NDC1: variants seen among roughly 807,000 people sequenced by gnomAD.
NDC1 encodes NDC1 transmembrane nucleoporin, also known as nucleoporin NDC1.
In NDC1, 24 loss-of-function variants were observed where a neutral mutation model predicts 89.8. The ratio of observed to expected loss-of-function variants is 0.27; its 90% CI spans 0.19 to 0.38. The LOEUF is 0.38. NDC1 is among the 10% of genes least tolerant of loss of function. The probability of loss-of-function intolerance (pLI) is 1.00; values close to 1 mark genes in which losing one functional copy is unlikely to be tolerated. For synonymous variants in NDC1, 296 were observed against 284.8 expected, an observed-to-expected ratio of 1.04 and a Z score of -0.39; for missense variants, 728 against 797.6, an observed-to-expected ratio of 0.91 and a Z score of 1.05.
At chr1:53,795,080 G>C (rs547542204) in intron 13 of NDC1, among the ~76,000 whole-genome samples, 50 of 152,030 alleles carry the variant, frequency 3.3e-4, no homozygotes, top group African/African-American at 1.1e-3. Context: ...AGTGACCTCC[G>C]CATTTCTAGC....
chr1:53,835,808 T>C (rs532090080), intron 1 of NDC1, among the ~76,000 whole-genome samples, 188 bp from the exon 2 acceptor site: 2 of 152,336 alleles, frequency 1.3e-5, no homozygotes, highest in African/African-American at 4.8e-5. Flanking sequence ...GATGCCTGCA[T>C]TAGTACAAAG....
intron 5 of NDC1, among the ~76,000 whole-genome samples, chr1:53,824,589 C>A (rs1052330109): frequency 3.9e-5 from 6 of 152,268 alleles, no homozygotes; most frequent in African/African-American, 1.4e-4. Context: ...TAGAATTGTG[C>A]GAATGAGGAG....
intron 5 of NDC1, among the ~76,000 whole-genome samples, chr1:53,822,924 T>A (rs1269700893): frequency 6.6e-6 from 1 of 152,164 alleles, no homozygotes; most frequent in African/African-American, 2.4e-5. Context: ...ACTTCTCACA[T>A]CAAACTTGCA....
At chr1:53,834,951 T>C (rs1649181296) in intron 2 of NDC1, among the ~76,000 whole-genome samples, 1 of 131,594 alleles carries the variant, frequency 7.6e-6, no homozygotes, top group Non-Finnish European at 1.6e-5. Flanking sequence ...CTACTAAAAA[T>C]ACAAAAATCA....
chr1:53,820,701 C>CTTTTTTTT (rs927514677), intron 5 of NDC1, among the ~76,000 whole-genome samples: 1 of 74,878 alleles, frequency 1.3e-5, no homozygotes. Context: ...ACTTCTCTCT[C>CTTTTTTTT]TTTTTTTTTT....
chr1:53,837,945 C>T (rs890158313), intron 1 of NDC1, among the ~76,000 whole-genome samples: 3 of 152,224 alleles, frequency 2.0e-5, no homozygotes, highest in African/African-American at 7.2e-5. Context: ...GCCTCACTCC[C>T]TATTCCAATT....
intron 10 of NDC1, among the ~76,000 whole-genome samples, chr1:53,802,593 C>G (rs1285738207): frequency 6.6e-6 from 1 of 152,278 alleles, no homozygotes; most frequent in South Asian, 2.1e-4. Flanking sequence ...GCGAGAGGAT[C>G]ATATGAGCCC....
chr1:53,801,374 C>T lies in NDC1; in HGVS notation c.1067-526G>A, dbSNP rs182604477. ...TGCTGTTACATCTGTGGGAATGACT[C>T]GTTAATAATGATCACACTTTACACT... On this transcript the variant is annotated intron_variant, in intron 10 of 17. Coordinates refer to ENST00000371429, the MANE Select transcript of NDC1 (RefSeq NM_018087.5). 1.1e-3 allele frequency among the ~76,000 whole-genome samples: 165 copies of T among 152,242 alleles called. 1 individual carries two copies. The highest frequency in any genetic ancestry group is 1.9e-3 in the Non-Finnish European group (129 of 68,012).
At chr1:53,813,295 T>C (rs1342603426) in intron 6 of NDC1, among the ~76,000 whole-genome samples, 1 of 152,198 alleles carries the variant, frequency 6.6e-6, no homozygotes, top group Non-Finnish European at 1.5e-5. Flanking sequence ...TAACATTGAA[T>C]GTAAATGGCC....
At chr1:53,799,634 C>T (rs745847231) in intron 11 of NDC1, among the ~76,000 whole-genome samples, 7 of 152,112 alleles carry the variant, frequency 4.6e-5, no homozygotes, top group East Asian at 1.9e-4. Flanking sequence ...TTAAAAAGAC[C>T]GGAAGTTCAC....
At chr1:53,793,341 C>T (rs1200856955) in intron 13 of NDC1, 62 bp from the exon 14 acceptor site, 2 of 1,301,166 alleles carry the variant, frequency 1.5e-6, no homozygotes, top group Non-Finnish European at 2.2e-6. Context: ...AAATATAACA[C>T]ATTTCCTAGT....
intron 13 of NDC1, 123 bp from the exon 14 acceptor site, chr1:53,793,402 G>A (rs1647585908): frequency 2.6e-6 from 2 of 769,030 alleles, no homozygotes; most frequent in Admixed American, 4.5e-5. Flanking sequence ...ACATCTTGTG[G>A]GCAAAGAATA....
intron 6 of NDC1, among the ~76,000 whole-genome samples, chr1:53,817,985 AACAAAATATTT>A (rs1648534778): frequency 6.6e-6 from 1 of 152,206 alleles, no homozygotes; most frequent in Non-Finnish European, 1.5e-5. Context: ...TTCCCCTACC[AACAAAATATTT>A]ACATTGTATT....
intron 16 of NDC1, among the ~76,000 whole-genome samples, chr1:53,778,338 A>C (rs1647179218): frequency 6.6e-6 from 1 of 152,186 alleles, no homozygotes; most frequent in African/African-American, 2.4e-5. Flanking sequence ...ATTCTGAAAT[A>C]CATGGTAAGG....
At chr1:53,787,446 C>T (rs1456831870) in intron 15 of NDC1, among the ~76,000 whole-genome samples, 188 bp from the exon 16 acceptor site, 1 of 151,514 alleles carries the variant, frequency 6.6e-6, no homozygotes, top group African/African-American at 2.4e-5. Flanking sequence ...CCCAGGAGTT[C>T]AAGACGAGCC....
rs1290062960 is a variant in NDC1, at chr1:53,807,636, A to G, written c.891+20T>C. The G allele has an allele frequency of 2.5e-6, 4 of 1,585,518 alleles. No individual in the cohort carries two copies. The highest frequency in any genetic ancestry group is 3.4e-6 in the Non-Finnish European group (4 of 1,170,886). ...TCCAAAACACAAAAGTATTAAGAAA[A>G]AATATTTTAAAAAACATACCTCTGT... On this transcript the variant is annotated intron_variant, in intron 8 of 17. Coordinates refer to ENST00000371429, the MANE Select transcript of NDC1 (RefSeq NM_018087.5).
chr1:53,796,737 C>T lies in NDC1; in HGVS notation c.1536G>A (p.Met512Ile). Reference sequence around the variant, plus strand: ...ATGAATAAATCACACTGGGTTGTCTCATTGTCTTACCCTCAGCACTAATAG... The same window carrying T: ...ATGAATAAATCACACTGGGTTGTCTTATTGTCTTACCCTCAGCACTAATAG... ...STSISAEGKT[M>I]RQPSVIYSWI... Residue 512 changes from methionine to isoleucine, a missense_variant, in exon 13 of 18, where the codon ATG becomes ATA. By Grantham distance (10) the Met-to-Ile change is conservative (BLOSUM62 1). Transcript: ENST00000371429. The T allele has an allele frequency of 6.2e-7, 1 of 1,612,024 alleles. No individual in the cohort carries two copies. Among genetic ancestry groups the T allele is most frequent in the Non-Finnish European group, 8.5e-7 (1 of 1,179,414 alleles).
At chr1:53,826,204 G>A (rs1380638891) in intron 4 of NDC1, among the ~76,000 whole-genome samples, 1 of 152,178 alleles carries the variant, frequency 6.6e-6, no homozygotes, top group African/African-American at 2.4e-5. Context: ...ATAACAAGCA[G>A]TATTGCTTAC....
intron 16 of NDC1, among the ~76,000 whole-genome samples, chr1:53,775,505 C>T (rs1181194): frequency 0.079 from 11,946 of 152,012 alleles, 1,432 homozygotes; most frequent in African/African-American, 0.26. Flanking sequence ...GTGATCCGCC[C>T]GCCTCAGCCT....
Sources: gnomAD v4.1 joint callset for allele counts (sites outside exome capture counted in the v4.1 genomes callset) on GRCh38, gnomAD v4.1.1 for gene constraint, MANE v1.5 for transcripts, NCBI Gene and HGNC (gene_info 2026-07-23, HGNC 2026-07-21) for gene names.